Variants in SNTB2 observed in about 807,000 individuals in gnomAD.
SNTB2 encodes beta-2-syntrophin.
SNTB2 carries 34 observed loss-of-function variants against 46.2 expected under a neutral mutation model. The observed-to-expected ratio is 0.74, with a 90% CI of 0.56 to 0.98. The LOEUF (loss-of-function observed/expected upper bound fraction) is 0.98, where lower values mean the gene tolerates loss of function less well. Ranked by LOEUF, SNTB2 falls within the 50% of genes least tolerant of loss-of-function variation. The probability of loss-of-function intolerance (pLI) is 0.00; values close to 1 mark genes in which losing one functional copy is unlikely to be tolerated. For synonymous variants in SNTB2, 290 were observed against 312.6 expected (o/e 0.93, Z 0.76); for missense variants, 603 against 731.4 (o/e 0.82, Z 2.02).
chr16:69,292,143 A>G (rs1286431819), intron 5 of SNTB2, among the ~76,000 whole-genome samples: 2 of 148,498 alleles, frequency 1.3e-5, no homozygotes, highest in African/African-American at 2.5e-5. Context: ...AGGTTGAGGC[A>G]GGAGAATGGC....
intron 1 of SNTB2, chr16:69,235,582 T>C (rs1597182005): frequency 1.5e-6 from 1 of 667,760 alleles, no homozygotes; most frequent in Admixed American, 6.4e-5. Flanking sequence ...GAGACCAAAG[T>C]GGGGGAGGGG....
intron 1 of SNTB2, among the ~76,000 whole-genome samples, chr16:69,233,874 G>A (rs1305853961): frequency 2.0e-5 from 3 of 151,972 alleles, no homozygotes; most frequent in African/African-American, 4.8e-5. Context: ...TTACTCAAGC[G>A]GCTGAGGCAA....
At chr16:69,201,411 G>T (rs951911025) in intron 1 of SNTB2, among the ~76,000 whole-genome samples, 3 of 152,282 alleles carry the variant, frequency 2.0e-5, no homozygotes, top group Non-Finnish European at 4.4e-5. Context: ...TGATGTTGAT[G>T]TGGTGCTGAA....
chr16:69,284,017 C>T, intron 4 of SNTB2, 31 bp from the exon 5 acceptor site: 1 of 1,548,014 alleles, frequency 6.5e-7, no homozygotes, highest in Non-Finnish European at 8.7e-7. Flanking sequence ...AATGTAGTTA[C>T]TTTTGATCTC....
intron 5 of SNTB2, among the ~76,000 whole-genome samples, chr16:69,285,088 C>T (rs530157654): frequency 6.6e-4 from 100 of 152,290 alleles, no homozygotes; most frequent in African/African-American, 2.2e-3. Flanking sequence ...CATTCAATCA[C>T]GAAATCATCT....
intron 2 of SNTB2, among the ~76,000 whole-genome samples, chr16:69,254,511 T>A (rs1449013584): frequency 6.6e-6 from 1 of 152,198 alleles, no homozygotes; most frequent in African/African-American, 2.4e-5. Context: ...GGTGGTGACT[T>A]CTTACATACA....
intron 1 of SNTB2, among the ~76,000 whole-genome samples, chr16:69,222,370 A>G (rs1266895690): frequency 6.6e-6 from 1 of 152,176 alleles, no homozygotes; most frequent in Admixed American, 6.6e-5. Context: ...AGGTGGGTAG[A>G]TCATCTGAGG....
intron 1 of SNTB2, among the ~76,000 whole-genome samples, chr16:69,227,327 C>T (rs1212899575): frequency 6.6e-6 from 1 of 152,106 alleles, no homozygotes; most frequent in Non-Finnish European, 1.5e-5. Flanking sequence ...AATTTTTGAC[C>T]AATGTATAAA....
At chr16:69,274,032 G>A (rs1181584994) in intron 4 of SNTB2, among the ~76,000 whole-genome samples, 1 of 152,154 alleles carries the variant, frequency 6.6e-6, no homozygotes, top group African/African-American at 2.4e-5. Context: ...ATAATAATTA[G>A]GCCAGGTGCA....
At chr16:69,205,808 G>C (rs1964210609) in intron 1 of SNTB2, among the ~76,000 whole-genome samples, 1 of 152,274 alleles carries the variant, frequency 6.6e-6, no homozygotes, top group East Asian at 1.9e-4. Context: ...AGGTGGAATA[G>C]ATAACTTTTC....
intron 2 of SNTB2, among the ~76,000 whole-genome samples, chr16:69,248,148 A>G (rs577325603): frequency 6.9e-4 from 105 of 152,294 alleles, no homozygotes; most frequent in Non-Finnish European, 1.1e-3. Context: ...ACTGACTACT[A>G]TGTAAACACA....
At chr16:69,207,157 T>TC (rs1387949684) in intron 1 of SNTB2, among the ~76,000 whole-genome samples, 62 of 144,118 alleles carry the variant, frequency 4.3e-4, no homozygotes, top group African/African-American at 1.5e-3. Flanking sequence ...TTTCTTTCTT[T>TC]TTTTTTTTTT....
At chr16:69,204,431 A>G (rs1171583894) in intron 1 of SNTB2, among the ~76,000 whole-genome samples, 1 of 152,192 alleles carries the variant, frequency 6.6e-6, no homozygotes, top group Non-Finnish European at 1.5e-5. Flanking sequence ...CTCAAAAGAA[A>G]AACATGTTGA....
In SNTB2 at chr16:69,308,623, G is replaced by C. The variant is rs1965332581; in HGVS notation, c.*7699G>C. ...TTGGCTAATCTGTGCAAACTCTGAT[G>C]ATACCTGCTTATGTGGATTCTTTTC... On this transcript the variant is annotated 3_prime_UTR_variant, in exon 7 of 7. Transcript: ENST00000336278. The C allele has an allele frequency of 6.6e-6, 1 of 152,158 alleles. No individual in the cohort carries two copies. Among genetic ancestry groups the C allele is most frequent in the Non-Finnish European group, 1.5e-5 (1 of 68,016 alleles). The allele number at this position is 152,158 out of a possible 1,614,324, so 9.4% of individuals were successfully genotyped here. A position where few individuals can be genotyped will look rare whatever the true frequency, so the allele number is the denominator to read the frequency against.
At chr16:69,202,920 A>G (rs1964178291) in intron 1 of SNTB2, among the ~76,000 whole-genome samples, 1 of 151,900 alleles carries the variant, frequency 6.6e-6, no homozygotes, top group Non-Finnish European at 1.5e-5. Flanking sequence ...GGGTTTTGCC[A>G]TGTTTCCCAG....
intron 4 of SNTB2, 47 bp from the exon 5 acceptor site, chr16:69,284,001 T>C: frequency 6.7e-7 from 1 of 1,485,176 alleles, no homozygotes; most frequent in Non-Finnish European, 9.1e-7. Context: ...GACATTTTTG[T>C]CTGATAATGT....
rs779200195 is a variant in SNTB2, at chr16:69,214,127, A to ATT, written c.580+26394_580+26395dup. ...CGTGAGCCACCACGCCCAGCCTTTT[A>ATT]TTTTTTTTTTTTTTATTTTTTTTGA... On this transcript the variant is annotated intron_variant, in intron 1 of 6. Coordinates refer to ENST00000336278, the MANE Select transcript of SNTB2 (RefSeq NM_006750.4). Among the ~76,000 whole-genome samples, 508 of 126,416 alleles carry ATT rather than the reference A, an allele frequency of 4.0e-3. 3 individuals carry two copies. Among genetic ancestry groups the ATT allele is most frequent in the African/African-American group, 0.014 (467 of 34,188 alleles). 82.9% of individuals were successfully genotyped at this position (126,416 alleles called of 152,430 possible). A position where few individuals can be genotyped will look rare whatever the true frequency, so the allele number is the denominator to read the frequency against.
chr16:69,218,261 C>T (rs1964367490), intron 1 of SNTB2, among the ~76,000 whole-genome samples: 1 of 152,130 alleles, frequency 6.6e-6, no homozygotes, highest in South Asian at 2.1e-4. Flanking sequence ...GTTGCAAGGG[C>T]AAACTTCCAC....
intron 5 of SNTB2, among the ~76,000 whole-genome samples, chr16:69,289,380 G>A (rs1965137855): frequency 2.0e-5 from 3 of 151,982 alleles, no homozygotes; most frequent in Admixed American, 2.0e-4. Flanking sequence ...GTTGGTTAAT[G>A]GGTATAAACA....
Sources: allele counts gnomAD v4.1 joint callset (sites outside exome capture counted in the v4.1 genomes callset), GRCh38; gene constraint gnomAD v4.1.1; transcripts MANE v1.5; gene names NCBI Gene and HGNC (gene_info 2026-07-23, HGNC 2026-07-21).